CFAP206: variants seen among roughly 807,000 people sequenced by gnomAD.
The protein encoded by CFAP206 is cilia and flagella associated protein 206, also known as cilia- and flagella-associated protein 206.
In CFAP206, 53 loss-of-function variants were observed where a neutral mutation model predicts 65.4. That is an observed-to-expected ratio of 0.81 (90% CI 0.65 to 1.02). CFAP206 has a LOEUF of 1.02. CFAP206 is among the 50% of genes least tolerant of loss of function. The pLI is 0.00. For missense variants in CFAP206, 663 were observed against 753.2 expected (o/e 0.88, Z 1.40); for synonymous variants, 250 against 254.4 (o/e 0.98, Z 0.17).
intron 8 of CFAP206, among the ~76,000 whole-genome samples, chr6:87,426,919 T>C (rs567479675): frequency 7.2e-5 from 11 of 152,272 alleles, no homozygotes; most frequent in Admixed American, 7.2e-4. Context: ...ATCATTGTAC[T>C]GTGGTTGAAA....
chr6:87,455,038 T>C (rs1025222741), intron 11 of CFAP206, among the ~76,000 whole-genome samples: 1 of 151,872 alleles, frequency 6.6e-6, no homozygotes, highest in Non-Finnish European at 1.5e-5. Flanking sequence ...TTCTCCTGCC[T>C]CAGCCTCCCA....
intron 2 of CFAP206, 80 bp from the exon 3 acceptor site, chr6:87,410,505 C>A: frequency 9.3e-7 from 1 of 1,074,774 alleles, no homozygotes; most frequent in Non-Finnish European, 1.4e-6. Flanking sequence ...AAAATGGAAA[C>A]ATATTAAGCT....
chr6:87,421,199 A>G (rs1432940241), intron 7 of CFAP206, among the ~76,000 whole-genome samples: 4 of 152,210 alleles, frequency 2.6e-5, no homozygotes, highest in Non-Finnish European at 4.4e-5. Flanking sequence ...TAAAAATCCA[A>G]TATAGGCCGA....
intron 12 of CFAP206, among the ~76,000 whole-genome samples, chr6:87,462,592 A>T (rs918271231): frequency 5.9e-5 from 9 of 152,150 alleles, no homozygotes; most frequent in Admixed American, 1.3e-4. Flanking sequence ...AATTCTACTA[A>T]ATTAACATAG....
intron 3 of CFAP206, among the ~76,000 whole-genome samples, 190 bp downstream of exon 3, chr6:87,410,858 A>C (rs986109188): frequency 2.0e-5 from 3 of 152,192 alleles, no homozygotes; most frequent in African/African-American, 7.2e-5. Context: ...CCTGGGGCAC[A>C]CCATCCTTGC....
At chr6:87,430,572 T>C (rs1768139472) in intron 9 of CFAP206, among the ~76,000 whole-genome samples, 1 of 152,198 alleles carries the variant, frequency 6.6e-6, no homozygotes, top group Non-Finnish European at 1.5e-5. Context: ...TTTTGCCACC[T>C]AGCATATTAT....
At chr6:87,428,300 T>G (rs1768088975) in intron 8 of CFAP206, among the ~76,000 whole-genome samples, 1 of 151,962 alleles carries the variant, frequency 6.6e-6, no homozygotes, top group Non-Finnish European at 1.5e-5. Context: ...ATTTTTTTTT[T>G]TTTCTTAAGA....
chr6:87,454,912 A>G (rs1768611526), intron 11 of CFAP206, among the ~76,000 whole-genome samples: 1 of 150,794 alleles, frequency 6.6e-6, no homozygotes, highest in African/African-American at 2.4e-5. Context: ...GAACTTTATT[A>G]TTTTATTTTT....
chr6:87,422,437 C>T (rs1224266800), intron 7 of CFAP206, among the ~76,000 whole-genome samples: 4 of 117,538 alleles, frequency 3.4e-5, no homozygotes, highest in Non-Finnish European at 5.0e-5. Context: ...ACAACGAGAG[C>T]GAAACTCCAT....
chr6:87,464,370 CTGTT>C lies in CFAP206; in HGVS notation c.*122_*125del, dbSNP rs781721912. On this transcript the variant is annotated 3_prime_UTR_variant, in exon 13 of 13. Transcript: ENST00000369562. ...GGTGGCACATTCATTGGTTGTGTGA[CTGTT>C]TATTGGGTTCCCATATTTTATCAAA... 4.7e-6 allele frequency: 3 copies of C among 634,204 alleles called. No individual in the cohort carries two copies. The highest frequency in any genetic ancestry group is 7.5e-6 in the Non-Finnish European group (3 of 402,440). The allele number at this position is 634,204 out of a possible 1,614,324, so 39.3% of individuals were successfully genotyped here.
At chr6:87,431,840 T>C (rs1325432055) in intron 10 of CFAP206, among the ~76,000 whole-genome samples, 1 of 152,206 alleles carries the variant, frequency 6.6e-6, no homozygotes, top group African/African-American at 2.4e-5. Flanking sequence ...GAGCAACACT[T>C]ATTTGACATG....
At position 87,413,869 on chromosome 6, in the gene CFAP206, A is replaced by C. The variant is rs1767780353; in HGVS notation, c.252A>C (p.Gln84His). 3 of 1,553,364 alleles carry C rather than the reference A, an allele frequency of 1.9e-6. No homozygotes were observed. The highest frequency in any genetic ancestry group is 2.6e-6 in the Non-Finnish European group (3 of 1,158,600). The change falls in exon 4 of 13, where the codon CAA becomes CAC. Residue 84 changes from glutamine (Q) to histidine (H), a missense_variant. Physicochemically the swap from Gln to His is conservative, Grantham distance 24. Coordinates refer to ENST00000369562, the MANE Select transcript of CFAP206 (RefSeq NM_001031743.3). ...CATCCCTGGACACTATTAAGATGCA[A>C]GTCTACTTCGATATGAATTATACGA... is the stretch of plus-strand genomic sequence containing the variant. ...KNPSLDTIKM[Q>H]VYFDMNYTNR...
In CFAP206 at chr6:87,413,206, A is replaced by G. The variant is rs1367764970; in HGVS notation, c.193-604A>G. On this transcript the variant is annotated intron_variant, in intron 3 of 12. Coordinates refer to ENST00000369562, the MANE Select transcript of CFAP206 (RefSeq NM_001031743.3). ...TACTTAACAAATGTTATTGGTAGTA[A>G]AGATATGGAATCAACCTAAGTGTCC... Among the ~76,000 whole-genome samples, 3 of 152,382 alleles carry G rather than the reference A, an allele frequency of 2.0e-5. No individual in the cohort carries two copies. The Middle Eastern group carries it at 0.01, about 518-fold the overall frequency.
chr6:87,432,324 G>A (rs968871947), intron 10 of CFAP206, among the ~76,000 whole-genome samples: 3 of 152,124 alleles, frequency 2.0e-5, no homozygotes, highest in South Asian at 2.1e-4. Context: ...ACTGTGGGAA[G>A]TTGAAAGTAA....
chr6:87,444,023 T>C (rs1170612722), intron 11 of CFAP206, among the ~76,000 whole-genome samples: 1 of 152,210 alleles, frequency 6.6e-6, no homozygotes, highest in Non-Finnish European at 1.5e-5. Context: ...CTTCTTTAGA[T>C]TGTAGGTTAT....
chr6:87,413,991 GTTTAA>G, intron 4 of CFAP206, 91 bp downstream of exon 4: 3 of 564,916 alleles, frequency 5.3e-6, no homozygotes, highest in Non-Finnish European at 8.6e-6. Flanking sequence ...GAATTTAATT[GTTTAA>G]TCAATTTAAC....
At position 87,415,870 on chromosome 6, in the gene CFAP206, A is replaced by G. The variant is rs1767821527; in HGVS notation, c.468A>G (p.Val156=). 5.9e-6 allele frequency: 9 copies of G among 1,537,646 alleles called. No individual in the cohort carries two copies. The highest frequency in any genetic ancestry group is 1.4e-5 in the African/African-American group (1 of 72,404). Residue 156 remains valine (V), a synonymous_variant, in exon 5 of 13, where the codon GTA becomes GTG. Coordinates refer to ENST00000369562, the MANE Select transcript of CFAP206 (RefSeq NM_001031743.3). ...SPTDIKTVRE[V]TAALQSVFPQ... is the part of the protein sequence containing the mutation. ...CAGACATCAAGACTGTCAGAGAGGT[A>G]ACAGGTAAAAAGTATAACCAATTTC...
chr6:87,408,411 G>C (rs547527576), intron 1 of CFAP206: 1 of 152,204 alleles, frequency 6.6e-6, no homozygotes, highest in Non-Finnish European at 1.5e-5. Context: ...TGGGTGCAGG[G>C]AAGGTGCTGA....
intron 10 of CFAP206, 37 bp downstream of exon 10, chr6:87,431,210 G>A (rs528929903): frequency 5.1e-6 from 8 of 1,583,442 alleles, no homozygotes; most frequent in South Asian, 3.4e-5. Context: ...TCCTTTCCCC[G>A]ATTTTTTCTT....
Sources: allele counts gnomAD v4.1 joint callset (sites outside exome capture counted in the v4.1 genomes callset), GRCh38; gene constraint gnomAD v4.1.1; transcripts MANE v1.5; gene names NCBI Gene and HGNC (gene_info 2026-07-23, HGNC 2026-07-21).